The following CUBN variants were observed in gnomAD, a reference collection of about 807,000 sequenced individuals.
CUBN encodes cubilin.
CUBN carries 282 observed loss-of-function variants against 405.3 expected under a neutral mutation model. The observed-to-expected ratio is 0.70, with a 90% CI of 0.63 to 0.77. The LOEUF is 0.77. Ranked by LOEUF, CUBN falls within the 30% of genes least tolerant of loss-of-function variation. The pLI, the probability that CUBN is intolerant of heterozygous loss-of-function variation, is 0.00. For missense variants in CUBN, 4,514 were observed against 4,475.2 expected (o/e 1.01, Z -0.25); for synonymous variants, 1,684 against 1,617.0 (o/e 1.04, Z -0.99).
At chr10:16,947,450 C>G (rs1215132399) in intron 35 of CUBN, 83 bp from the exon 36 acceptor site, 3 of 1,369,608 alleles carry the variant, frequency 2.2e-6, no homozygotes, top group Non-Finnish European at 3.1e-6. Flanking sequence ...AACGCTAGAG[C>G]CATTATCAAT....
rs111472370 is a variant in CUBN, at chr10:16,924,016, G to A, written c.6646+1225C>T. Among the ~76,000 whole-genome samples, 899 of 152,278 alleles carry A rather than the reference G, an allele frequency of 5.9e-3. 8 individuals carry two copies. Among genetic ancestry groups the A allele is most frequent in the African/African-American group, 0.021 (854 of 41,566 alleles). ...AGCCTGGGAGGCAGAGGTTGCAGTA[G>A]GCTGAGATCATGCCGCTGTACTCTA... On this transcript the variant is annotated intron_variant, in intron 43 of 66. Transcript: ENST00000377833.
rs75887289 is a variant in CUBN, at chr10:16,941,450, G to A, written c.5343-1213C>T. On this transcript the variant is annotated intron_variant, in intron 36 of 66. Transcript: ENST00000377833. ...GAAAAATCTTTGTGACCTTGGGATG[G>A]GCAAATATTTCTTACATAGAATGCA... Among the ~76,000 whole-genome samples the A allele has an allele frequency of 5.8e-3, 883 of 152,038 alleles. 3 individuals are homozygous for A. Among genetic ancestry groups the A allele is most frequent in the African/African-American group, 0.02 (831 of 41,458 alleles).
chr10:16,986,254 G>A (rs1226015922), intron 29 of CUBN, among the ~76,000 whole-genome samples: 2 of 151,466 alleles, frequency 1.3e-5, no homozygotes, highest in Admixed American at 6.6e-5. Context: ...TGGGCACAGC[G>A]CCCTCCCACC....
chr10:17,105,353 T>C, intron 11 of CUBN, 104 bp downstream of exon 11: 2 of 799,614 alleles, frequency 2.5e-6, no homozygotes, highest in South Asian at 1.3e-5. Flanking sequence ...TATCTGAAAC[T>C]TGACTCATTA....
chr10:16,989,170 G>T (rs1833510281), intron 29 of CUBN, among the ~76,000 whole-genome samples: 1 of 152,114 alleles, frequency 6.6e-6, no homozygotes, highest in East Asian at 1.9e-4. Context: ...CTGTGCTACA[G>T]CAGTCCCTAG....
At chr10:17,014,418 G>C (rs4622153) in intron 28 of CUBN, among the ~76,000 whole-genome samples, 60,385 of 152,014 alleles carry the variant, frequency 0.4, 12,314 homozygotes, top group East Asian at 0.59. Context: ...TCCTTGATTA[G>C]AGTATAGAGG....
intron 28 of CUBN, among the ~76,000 whole-genome samples, chr10:17,006,791 T>C (rs1002642305): frequency 3.9e-5 from 6 of 152,202 alleles, no homozygotes; most frequent in Admixed American, 3.9e-4. Flanking sequence ...TTCTAATTTC[T>C]GAAACTTCTC....
At chr10:17,077,297 C>T (rs75877570) in intron 17 of CUBN, among the ~76,000 whole-genome samples, 3,062 of 151,954 alleles carry the variant, frequency 0.02, 108 homozygotes, top group African/African-American at 0.069. Flanking sequence ...AGAAGAGAAA[C>T]TACTCATAAA....
intron 54 of CUBN, among the ~76,000 whole-genome samples, chr10:16,897,573 G>A (rs182887125): frequency 2.0e-5 from 3 of 152,098 alleles, no homozygotes; most frequent in Non-Finnish European, 4.4e-5. Flanking sequence ...GGACAAAGAG[G>A]CTTCCCAGAC....
chr10:16,951,564 A>T (rs1842921348), intron 33 of CUBN, among the ~76,000 whole-genome samples: 1 of 152,176 alleles, frequency 6.6e-6, no homozygotes, highest in African/African-American at 2.4e-5. Context: ...GGGCCCCAGC[A>T]TCACCCGCTT....
chr10:16,950,311 T>A (rs185950499), intron 33 of CUBN, among the ~76,000 whole-genome samples, 200 bp from the exon 34 acceptor site: 1 of 152,130 alleles, frequency 6.6e-6, no homozygotes. Flanking sequence ...AAGAGTAGAA[T>A]TGGATTATTT....
chr10:16,964,986 C>G (rs1374833025), intron 31 of CUBN, among the ~76,000 whole-genome samples: 1 of 152,252 alleles, frequency 6.6e-6, no homozygotes, highest in Non-Finnish European at 1.5e-5. Context: ...CCTCTCATTT[C>G]TCCCTTACCT....
chr10:16,961,574 A>T (rs919204258), intron 31 of CUBN, among the ~76,000 whole-genome samples: 2 of 152,216 alleles, frequency 1.3e-5, no homozygotes, highest in African/African-American at 4.8e-5. Flanking sequence ...GTGGGAAAAT[A>T]AAGAAGCCAA....
At chr10:17,060,051 C>T (rs919124111) in intron 22 of CUBN, among the ~76,000 whole-genome samples, 30 of 152,090 alleles carry the variant, frequency 2.0e-4, no homozygotes, top group Admixed American at 3.9e-4. Context: ...TCAGACATGG[C>T]CAAGATAAAA....
chr10:17,065,371 T>C (rs1835591690), intron 22 of CUBN, 137 bp downstream of exon 22: 2 of 1,087,498 alleles, frequency 1.8e-6, no homozygotes, highest in Non-Finnish European at 2.8e-6. Flanking sequence ...GGTATTTAAG[T>C]CACTACCCTT....
intron 10 of CUBN, among the ~76,000 whole-genome samples, chr10:17,109,086 G>A (rs1430133876): frequency 6.6e-6 from 1 of 152,096 alleles, no homozygotes; most frequent in East Asian, 1.9e-4. Context: ...TACACTGTCG[G>A]TGAATACATA....
chr10:16,905,567 C>A (rs1453671768), intron 50 of CUBN, among the ~76,000 whole-genome samples: 1 of 152,140 alleles, frequency 6.6e-6, no homozygotes, highest in East Asian at 1.9e-4. Flanking sequence ...CATGCTAAGT[C>A]CCAGTCTCCT....
At chr10:16,935,105 C>T (rs1423111930) in intron 39 of CUBN, among the ~76,000 whole-genome samples, 1 of 150,406 alleles carries the variant, frequency 6.6e-6, no homozygotes, top group African/African-American at 2.4e-5. Flanking sequence ...ATTACGATAC[C>T]ATTACTTAAC....
intron 60 of CUBN, among the ~76,000 whole-genome samples, chr10:16,846,385 C>T (rs1839509098): frequency 6.6e-6 from 1 of 152,158 alleles, no homozygotes; most frequent in Non-Finnish European, 1.5e-5. Context: ...TATACGAAGA[C>T]ACACTATTTT....
Sources: gnomAD v4.1 joint callset for allele counts (sites outside exome capture counted in the v4.1 genomes callset) on GRCh38, gnomAD v4.1.1 for gene constraint, MANE v1.5 for transcripts, NCBI Gene and HGNC (gene_info 2026-07-23, HGNC 2026-07-21) for gene names.